Variants in LCORL observed in about 807,000 individuals in gnomAD.
LCORL encodes the protein ligand-dependent nuclear receptor corepressor-like protein.
Under a neutral mutation model 141.8 loss-of-function variants are expected in LCORL, and 41 were observed. The observed-to-expected ratio is 0.29, with a 90% CI of 0.23 to 0.38. The LOEUF (loss-of-function observed/expected upper bound fraction) is 0.38, where lower values mean the gene tolerates loss of function less well. LCORL is among the 10% of genes least tolerant of loss of function. The pLI, the probability that LCORL is intolerant of heterozygous loss-of-function variation, is 1.00. For missense variants in LCORL, 1,759 were observed against 2,035.0 expected (o/e 0.86, Z 2.61); for synonymous variants, 618 against 694.1 (o/e 0.89, Z 1.72).
At chr4:18,010,622 G>C (rs890004315) in intron 1 of LCORL, among the ~76,000 whole-genome samples, 1 of 144,456 alleles carries the variant, frequency 6.9e-6, no homozygotes, top group African/African-American at 2.8e-5. Flanking sequence ...GCTAATTTTT[G>C]TATTTTTAGT....
At chr4:17,948,173 T>C (rs1467684703) in intron 4 of LCORL, among the ~76,000 whole-genome samples, 4 of 151,876 alleles carry the variant, frequency 2.6e-5, no homozygotes, top group South Asian at 2.1e-4. Context: ...GATAAAAAAA[T>C]AGTATTTTAA....
In LCORL at chr4:17,864,667, A is replaced by C. The variant is rs140332816; in HGVS notation, c.5602+8721T>G. Among the ~76,000 whole-genome samples the C allele has an allele frequency of 6.1e-4, 93 of 152,374 alleles. 1 individual carries two copies. The highest frequency in any genetic ancestry group is 1.1e-3 in the Admixed American group (17 of 15,312). On this transcript the variant is annotated intron_variant, in intron 7 of 7. Transcript: ENST00000635767. ...CCCAACCATGTTAATGGTGACATTAAATGTAAGTGGTCTACTGAAAAGGCA... is the reference window on the plus strand; with the variant it reads ...CCCAACCATGTTAATGGTGACATTACATGTAAGTGGTCTACTGAAAAGGCA...
exon 7 of LCORL, chr4:17,873,563 A>G (rs955111614): frequency 8.1e-7 from 1 of 1,233,874 alleles, no homozygotes; most frequent in Non-Finnish European, 1.0e-6. Context: ...TTAATTTACT[A>G]TTGCCAAGAT....
intron 1 of LCORL, among the ~76,000 whole-genome samples, 188 bp from the exon 2 acceptor site, chr4:17,973,073 T>C (rs185257283): frequency 1.8e-3 from 266 of 151,878 alleles, no homozygotes; most frequent in African/African-American, 6.2e-3. Context: ...AGAAATTACA[T>C]GACTGTAAAG....
intron 1 of LCORL, among the ~76,000 whole-genome samples, chr4:17,988,713 G>A (rs929981541): frequency 5.9e-5 from 9 of 152,292 alleles, no homozygotes; most frequent in Non-Finnish European, 7.4e-5. Flanking sequence ...CTGGCCGGGC[G>A]TGGCAGCTCA....
intron 7 of LCORL, among the ~76,000 whole-genome samples, chr4:17,856,533 T>C (rs1439771245): frequency 1.3e-5 from 2 of 152,210 alleles, no homozygotes; most frequent in Admixed American, 6.5e-5. Flanking sequence ...GTTTAAGCCA[T>C]GCCATCTATG....
intron 1 of LCORL, among the ~76,000 whole-genome samples, chr4:18,010,106 C>T (rs1199992578): frequency 1.3e-5 from 2 of 152,174 alleles, no homozygotes; most frequent in Non-Finnish European, 2.9e-5. Flanking sequence ...ATCTATTTGT[C>T]AGAGTACCTG....
chr4:17,970,658 G>C (rs1367416982), intron 2 of LCORL, among the ~76,000 whole-genome samples: 2 of 152,066 alleles, frequency 1.3e-5, no homozygotes, highest in Non-Finnish European at 2.9e-5. Flanking sequence ...ACGAATACAA[G>C]GTTTAATGCC....
At chr4:18,001,404 A>T (rs1248822863) in intron 1 of LCORL, among the ~76,000 whole-genome samples, 1 of 152,240 alleles carries the variant, frequency 6.6e-6, no homozygotes, top group East Asian at 1.9e-4. Flanking sequence ...AGGCTAAGGC[A>T]GTACAGAGCA....
chr4:17,977,622 A>C lies in LCORL; in HGVS notation c.155-4737T>G, dbSNP rs147994282. Among the ~76,000 whole-genome samples, 11 of 152,356 alleles carry C rather than the reference A, an allele frequency of 7.2e-5. No individual in the cohort carries two copies. The East Asian group carries it at 2.1e-3, about 29-fold the overall frequency. On this transcript the variant is annotated intron_variant, in intron 1 of 7. Transcript: ENST00000635767. ...TTGTCAGACATTTTATTACAGCATT[A>C]TAACAGCCTTTCCTATTTTGTTTTA...
chr4:17,889,602 T>C (rs1321388953), intron 5 of LCORL, among the ~76,000 whole-genome samples: 1 of 152,076 alleles, frequency 6.6e-6, no homozygotes, highest in African/African-American at 2.4e-5. Context: ...GATAGCATGA[T>C]TCCCTTTTCT....
intron 5 of LCORL, among the ~76,000 whole-genome samples, chr4:17,901,071 T>TA (rs565827878): frequency 7.2e-4 from 109 of 151,896 alleles, no homozygotes; most frequent in Non-Finnish European, 1.4e-3. Context: ...TTCTTTTTTT[T>TA]AAAAAAAATG....
chr4:17,865,915 GATC>G lies in LCORL; in HGVS notation c.5602+7470_5602+7472del, dbSNP rs1725588305. On this transcript the variant is annotated intron_variant, in intron 7 of 7. Transcript: ENST00000635767. ...TCCTTCTTCACAATGCAACCAGGGA[GATC>G]TTCTAGAAAGCAAAATCTGATTATG... Among the ~76,000 whole-genome samples the G allele has an allele frequency of 2.0e-5, 3 of 152,306 alleles. No homozygotes were observed. The South Asian group carries it at 6.2e-4, about 32-fold the overall frequency.
chr4:17,993,689 T>C (rs16896215), intron 1 of LCORL, among the ~76,000 whole-genome samples: 37,069 of 152,112 alleles, frequency 0.24, 5,887 homozygotes, highest in African/African-American at 0.45. Context: ...ATGGAAAGTC[T>C]TGAAGAAGTC....
intron 4 of LCORL, among the ~76,000 whole-genome samples, chr4:17,944,145 G>C (rs1433423984): frequency 6.6e-6 from 1 of 152,174 alleles, no homozygotes; most frequent in Non-Finnish European, 1.5e-5. Context: ...GCAGAAGTCT[G>C]ATTCCCTTGT....
intron 7 of LCORL, among the ~76,000 whole-genome samples, chr4:17,849,983 T>C (rs2109096447): frequency 6.6e-6 from 1 of 151,588 alleles, no homozygotes; most frequent in Non-Finnish European, 1.5e-5. Context: ...GCCACATATC[T>C]ACAACTATCT....
chr4:17,919,669 T>C (rs1284394557), intron 4 of LCORL, among the ~76,000 whole-genome samples: 1 of 152,206 alleles, frequency 6.6e-6, no homozygotes, highest in Non-Finnish European at 1.5e-5. Flanking sequence ...CTCATCCATG[T>C]TTCTTGGATC....
intron 7 of LCORL, among the ~76,000 whole-genome samples, chr4:17,852,334 A>C (rs896775523): frequency 6.6e-6 from 1 of 152,126 alleles, no homozygotes; most frequent in Non-Finnish European, 1.5e-5. Flanking sequence ...TTCTGACAAT[A>C]ATCACAATAA....
Position 17,938,933 on chromosome 4 carries a change from C to A in LCORL, c.430+22970G>T, listed in dbSNP as rs534318661. Reference sequence around the variant, plus strand: ...GGCATCAGAACTAACACATCTTCAACCTCACAAGGTTAATCTACCCAACTA... The same window carrying A: ...GGCATCAGAACTAACACATCTTCAAACTCACAAGGTTAATCTACCCAACTA... On this transcript the variant is annotated intron_variant, in intron 4 of 7. Coordinates refer to ENST00000635767, the Ensembl canonical transcript of LCORL. Among the ~76,000 whole-genome samples, 235 of 152,270 alleles carry A rather than the reference C, an allele frequency of 1.5e-3. 1 individual carries two copies. The highest frequency in any genetic ancestry group is 2.7e-3 in the Non-Finnish European group (186 of 68,014).
Sources: allele counts gnomAD v4.1 joint callset (sites outside exome capture counted in the v4.1 genomes callset), GRCh38; gene constraint gnomAD v4.1.1; transcripts MANE v1.5; gene names NCBI Gene and HGNC (gene_info 2026-07-23, HGNC 2026-07-21).